MRPS9: variants seen among roughly 807,000 people sequenced by gnomAD.
MRPS9 encodes the protein small ribosomal subunit protein uS9m.
A neutral mutation model predicts 59.9 loss-of-function variants in MRPS9; 45 were observed. The observed-to-expected ratio is 0.75, with a 90% CI of 0.59 to 0.96. The LOEUF (loss-of-function observed/expected upper bound fraction) is 0.96, where lower values mean the gene tolerates loss of function less well. Among genes scored for constraint, MRPS9 ranks in the 40% least tolerant of loss-of-function variants. The pLI, the probability that MRPS9 is intolerant of heterozygous loss-of-function variation, is 0.00. For synonymous variants in MRPS9, 171 were observed against 166.8 expected (o/e 1.03, Z -0.19); for missense variants, 473 against 481.1 (o/e 0.98, Z 0.16).
At chr2:105,093,047 A>G (rs997963145) in intron 8 of MRPS9, among the ~76,000 whole-genome samples, 28 of 152,176 alleles carry the variant, frequency 1.8e-4, no homozygotes, top group African/African-American at 5.8e-4. Flanking sequence ...ACAACTCTTA[A>G]AAGATTTCAC....
intron 2 of MRPS9, among the ~76,000 whole-genome samples, chr2:105,063,142 A>G (rs1312728275): frequency 6.6e-6 from 1 of 152,216 alleles, no homozygotes; most frequent in East Asian, 1.9e-4. Flanking sequence ...GCCGTGGCAC[A>G]TGCTGTAGTC....
chr2:105,044,262 A>G (rs186547275), intron 1 of MRPS9, among the ~76,000 whole-genome samples: 274 of 152,260 alleles, frequency 1.8e-3, no homozygotes, highest in Non-Finnish European at 2.9e-3. Flanking sequence ...GGCAAAGCAA[A>G]TTCCCTTCAA....
chr2:105,063,128 A>G (rs985466555), intron 2 of MRPS9, among the ~76,000 whole-genome samples: 5 of 152,320 alleles, frequency 3.3e-5, no homozygotes, highest in African/African-American at 4.8e-5. Context: ...GCAATGGGCA[A>G]GGTGCCGTGG....
At chr2:105,054,538 C>T (rs1023160154) in intron 2 of MRPS9, among the ~76,000 whole-genome samples, 1 of 152,198 alleles carries the variant, frequency 6.6e-6, no homozygotes, top group Non-Finnish European at 1.5e-5. Flanking sequence ...AGTGATTGAT[C>T]GGCTTCGCTG....
intron 1 of MRPS9, among the ~76,000 whole-genome samples, chr2:105,043,337 C>G (rs1207895113): frequency 6.6e-6 from 1 of 152,034 alleles, no homozygotes. Context: ...ATCCGTTTCC[C>G]CTTCATAGTA....
At chr2:105,090,118 C>T in intron 7 of MRPS9, 123 bp downstream of exon 7, 1 of 520,134 alleles carries the variant, frequency 1.9e-6, no homozygotes, top group Non-Finnish European at 3.4e-6. Flanking sequence ...ACTTTTCTTT[C>T]TTTCTTTAAA....
intron 10 of MRPS9, among the ~76,000 whole-genome samples, chr2:105,097,985 A>T (rs1680703407): frequency 6.6e-6 from 1 of 152,214 alleles, no homozygotes; most frequent in East Asian, 1.9e-4. Flanking sequence ...AGCATGAGCT[A>T]CCACACCTGG....
At chr2:105,058,223 G>A (rs1009260974) in intron 2 of MRPS9, among the ~76,000 whole-genome samples, 1 of 152,088 alleles carries the variant, frequency 6.6e-6, no homozygotes, top group Non-Finnish European at 1.5e-5. Flanking sequence ...GAGCTATGTA[G>A]AACTGTAGAG....
intron 1 of MRPS9, among the ~76,000 whole-genome samples, chr2:105,040,819 G>A (rs1348598169): frequency 6.6e-6 from 1 of 152,218 alleles, no homozygotes; most frequent in Non-Finnish European, 1.5e-5. Context: ...ATATGCCTGA[G>A]TCAGACTAGA....
At chr2:105,066,624 A>G (rs533071016) in intron 2 of MRPS9, among the ~76,000 whole-genome samples, 93 of 152,260 alleles carry the variant, frequency 6.1e-4, no homozygotes, top group Non-Finnish European at 1.0e-3. Context: ...AATGTTGCCG[A>G]TGACAGCTTG....
chr2:105,081,336 G>A (rs900301161), intron 5 of MRPS9, among the ~76,000 whole-genome samples: 1 of 152,248 alleles, frequency 6.6e-6, no homozygotes, highest in Non-Finnish European at 1.5e-5. Context: ...GTTGCACGCA[G>A]CGAAGCTGTG....
intron 7 of MRPS9, chr2:105,092,006 TC>T (rs1417227631): frequency 1.9e-5 from 3 of 157,932 alleles, no homozygotes; most frequent in African/African-American, 7.2e-5. Flanking sequence ...TCAAACTCTT[TC>T]CATATTACTA....
intron 2 of MRPS9, among the ~76,000 whole-genome samples, chr2:105,061,927 A>G (rs1679913900): frequency 6.6e-6 from 1 of 152,114 alleles, no homozygotes; most frequent in African/African-American, 2.4e-5. Context: ...GGTTTTCAGT[A>G]TTTGTCACAA....
At chr2:105,095,942 T>C (rs1468864307) in intron 9 of MRPS9, among the ~76,000 whole-genome samples, 1 of 152,144 alleles carries the variant, frequency 6.6e-6, no homozygotes, top group Non-Finnish European at 1.5e-5. Context: ...GAGTAGCTTG[T>C]ACTTTAGGTG....
At chr2:105,057,525 T>C (rs1191173752) in intron 2 of MRPS9, among the ~76,000 whole-genome samples, 2 of 152,192 alleles carry the variant, frequency 1.3e-5, no homozygotes, top group Non-Finnish European at 2.9e-5. Context: ...CCCATGAGTG[T>C]GTAACAGAGG....
intron 1 of MRPS9, among the ~76,000 whole-genome samples, chr2:105,043,280 G>T (rs1679533047): frequency 6.6e-6 from 1 of 152,158 alleles, no homozygotes; most frequent in African/African-American, 2.4e-5. Flanking sequence ...TAATGTAAAT[G>T]GTAAATTTTG....
chr2:105,083,173 T>A (rs1413543403), intron 5 of MRPS9, among the ~76,000 whole-genome samples: 1 of 152,170 alleles, frequency 6.6e-6, no homozygotes, highest in Non-Finnish European at 1.5e-5. Flanking sequence ...CCTGAAACAA[T>A]TGAGCAAAGG....
At chr2:105,058,558 A>G (rs1051997718) in intron 2 of MRPS9, among the ~76,000 whole-genome samples, 1 of 152,002 alleles carries the variant, frequency 6.6e-6, no homozygotes, top group Non-Finnish European at 1.5e-5. Flanking sequence ...ACCTTACTCC[A>G]TTTCTTATTT....
chr2:105,086,497 A>G (rs1482075684), intron 5 of MRPS9, among the ~76,000 whole-genome samples: 4 of 152,214 alleles, frequency 2.6e-5, no homozygotes, highest in East Asian at 1.9e-4. Flanking sequence ...ATGACAGCCT[A>G]TACTTTGACT....
Sources: gnomAD v4.1 joint callset for allele counts (sites outside exome capture counted in the v4.1 genomes callset) on GRCh38, gnomAD v4.1.1 for gene constraint, MANE v1.5 for transcripts, NCBI Gene and HGNC (gene_info 2026-07-23, HGNC 2026-07-21) for gene names.